Variants in KDM2A observed in about 807,000 individuals in gnomAD.
The protein encoded by KDM2A is lysine-specific demethylase 2A.
In KDM2A, 3 loss-of-function variants were observed where a neutral mutation model predicts 137.3. The observed-to-expected ratio is 0.02, with a 90% CI of 0.01 to 0.06. The LOEUF (loss-of-function observed/expected upper bound fraction) is 0.06, where lower values mean the gene tolerates loss of function less well. Among genes scored for constraint, KDM2A ranks in the 10% least tolerant of loss-of-function variants. The pLI is 1.00. For synonymous variants in KDM2A, 512 were observed against 541.5 expected (o/e 0.95, Z 0.76); for missense variants, 738 against 1,510.6 (o/e 0.49, Z 8.48).
At chr11:67,165,308 G>A (rs1856714940) in intron 2 of KDM2A, among the ~76,000 whole-genome samples, 1 of 151,926 alleles carries the variant, frequency 6.6e-6, no homozygotes, top group South Asian at 2.1e-4. Flanking sequence ...TTTTAGTAGA[G>A]ACGAGGTTTC....
intron 5 of KDM2A, among the ~76,000 whole-genome samples, chr11:67,188,530 C>T (rs1004270851): frequency 6.1e-5 from 9 of 147,904 alleles, no homozygotes; most frequent in Admixed American, 4.7e-4. Context: ...GTGCCTCACA[C>T]GTCTGTAATC....
At chr11:67,132,653 G>C (rs1289638179) in intron 2 of KDM2A, among the ~76,000 whole-genome samples, 1 of 152,204 alleles carries the variant, frequency 6.6e-6, no homozygotes, top group Non-Finnish European at 1.5e-5. Context: ...TCCAGTTTCA[G>C]GTCGGGGTGG....
chr11:67,182,917 T>C (rs1210344183), intron 5 of KDM2A, among the ~76,000 whole-genome samples: 6 of 152,234 alleles, frequency 3.9e-5, no homozygotes, highest in Admixed American at 3.9e-4. Context: ...AGAATTTCTA[T>C]TATCTTTTGT....
rs748703520 is a variant in KDM2A, at chr11:67,250,601, G to T, written c.2571G>T (p.Glu857Asp). The T allele has an allele frequency of 5.5e-5, 88 of 1,612,390 alleles. No individual in the cohort carries two copies. Among genetic ancestry groups the T allele is most frequent in the Non-Finnish European group, 7.5e-5 (88 of 1,178,850 alleles). ...ATGAGGAGGGGCTGGGGGGAGAGGA[G>T]GAGGAAGAGGAGGAGGAGGAGGAGG... ...RGDEEGLGGE[E>D]EEEEEEEEED... The change falls in exon 17 of 21, where the codon GAG (glutamate) becomes GAT (aspartate). Residue 857 changes from glutamate to aspartate, a missense_variant. Glu to Asp is a conservative substitution (Grantham distance 45). Coordinates refer to ENST00000529006, the MANE Select transcript of KDM2A (RefSeq NM_012308.3). The surrounding 1 kb of genome is among the most constrained non-coding windows in gnomAD (Gnocchi z 7.1).
chr11:67,250,607 A>AGAGGAGGAGGAG lies in KDM2A; in HGVS notation c.2586_2597dup (p.Glu863_Glu866dup). ...AGGGGCTGGGGGGAGAGGAGGAGGA[A>AGAGGAGGAGGAG]GAGGAGGAGGAGGAGGAGGAAGATG... On this transcript the variant is annotated inframe_insertion, in exon 17 of 21. Coordinates refer to ENST00000529006, the MANE Select transcript of KDM2A (RefSeq NM_012308.3). The surrounding 1 kb of genome is among the most constrained non-coding windows in gnomAD (Gnocchi z 7.1). 6.2e-7 allele frequency: 1 copy of AGAGGAGGAGGAG among 1,611,242 alleles called. No homozygotes were observed. Among genetic ancestry groups the AGAGGAGGAGGAG allele is most frequent in the East Asian group, 2.2e-5 (1 of 44,840 alleles).
rs191687427 is a variant in KDM2A at position 67,216,346 on chromosome 11, A to G, written c.687+397A>G. Among the ~76,000 whole-genome samples, 319 of 152,284 alleles carry G rather than the reference A, an allele frequency of 2.1e-3. 2 individuals carry two copies. The highest frequency in any genetic ancestry group is 7.3e-3 in the African/African-American group (305 of 41,560). On this transcript the variant is annotated intron_variant, in intron 8 of 20. Transcript: ENST00000529006. ...AATCAGCAAATTAAGATCTAAACCA[A>G]CTTTCCCTCTATGTAGCCATTGGTC...
chr11:67,126,682 T>C (rs1410141219), intron 2 of KDM2A, among the ~76,000 whole-genome samples: 1 of 140,530 alleles, frequency 7.1e-6, no homozygotes, highest in Non-Finnish European at 1.5e-5. Flanking sequence ...CACTCCAGCC[T>C]GGGCGACAGA....
intron 2 of KDM2A, among the ~76,000 whole-genome samples, chr11:67,161,238 C>G (rs546181802): frequency 6.6e-6 from 1 of 152,232 alleles, no homozygotes; most frequent in South Asian, 2.1e-4. Context: ...AAAAGAAAAA[C>G]AAGACTTTAG....
chr11:67,249,140 A>G (rs1466618239), intron 16 of KDM2A, among the ~76,000 whole-genome samples: 1 of 152,184 alleles, frequency 6.6e-6, no homozygotes, highest in Non-Finnish European at 1.5e-5. Context: ...TTTTCAATCT[A>G]TTTGTCTTTG....
chr11:67,252,593 G>C, intron 17 of KDM2A, 101 bp from the exon 18 acceptor site: 1 of 1,279,220 alleles, frequency 7.8e-7, no homozygotes, highest in Non-Finnish European at 1.1e-6. Context: ...AGAAGAACGA[G>C]CCTCCAGGTA....
In KDM2A at chr11:67,172,616, TTGTGTGTG is replaced by T. The variant is rs35333315; in HGVS notation, c.43-7436_43-7429del. On this transcript the variant is annotated intron_variant, in intron 2 of 20. Transcript: ENST00000529006. The stretch of plus-strand genomic sequence containing the variant: ...GAACTGATTTTATTAGCTCTTATAG[TTGTGTGTG>T]TGTGTGTGTGTGTGTGTGTGTGTGT... 2.0e-3 allele frequency among the ~76,000 whole-genome samples: 289 copies of T among 146,494 alleles called. 3 individuals are homozygous for T. The highest frequency in any genetic ancestry group is 0.011 in the East Asian group (56 of 4,994).
At chr11:67,217,240 CAAA>C (rs544615414) in intron 8 of KDM2A, among the ~76,000 whole-genome samples, 4 of 50,522 alleles carry the variant, frequency 7.9e-5, no homozygotes, top group Admixed American at 4.1e-4. Flanking sequence ...GAAACTCTGT[CAAA>C]AAAAAAAAAA....
chr11:67,138,984 C>T (rs566627440), intron 2 of KDM2A, among the ~76,000 whole-genome samples: 1 of 152,284 alleles, frequency 6.6e-6, no homozygotes, highest in South Asian at 2.1e-4. Flanking sequence ...TATTTCCTGC[C>T]AGTTGAATTT....
At chr11:67,152,842 G>T (rs1231600907) in intron 2 of KDM2A, among the ~76,000 whole-genome samples, 1 of 148,416 alleles carries the variant, frequency 6.7e-6, no homozygotes, top group Non-Finnish European at 1.5e-5. Flanking sequence ...TTTTTTTTTT[G>T]CTAGCAAAAC....
intron 2 of KDM2A, among the ~76,000 whole-genome samples, chr11:67,135,344 G>A (rs1239976687): frequency 1.3e-5 from 2 of 152,150 alleles, no homozygotes; most frequent in Non-Finnish European, 2.9e-5. Flanking sequence ...GATTACAAGC[G>A]TGAGCCACCG....
rs755754130 is a variant in KDM2A at position 67,228,005 on chromosome 11, C to T, written c.958-32C>T. On this transcript the variant is annotated intron_variant, in intron 10 of 20. Transcript: ENST00000529006. ...TGTTGTACTCTCTTTCCTTGAAAAT[C>T]GTCATCTTTTCTCTATTTTATTCCT... The T allele has an allele frequency of 1.6e-5, 25 of 1,592,844 alleles. No individual in the cohort carries two copies. In the Admixed American group the frequency reaches 1.8e-4, roughly 12 times the overall value.
In KDM2A at chr11:67,257,363, G is replaced by A. The variant is rs1859646211; in HGVS notation, c.*2308G>A. ...CCTTGCTGGGTTTTCCTTTTCTTTG[G>A]GACTGTGAGGGGAAATGGTTTTTAG... On this transcript the variant is annotated 3_prime_UTR_variant, in exon 21 of 21. Coordinates refer to ENST00000529006, the MANE Select transcript of KDM2A (RefSeq NM_012308.3). The A allele has an allele frequency of 6.6e-6, 1 of 152,576 alleles. No homozygotes were observed. Among genetic ancestry groups the A allele is most frequent in the African/African-American group, 2.4e-5 (1 of 41,406 alleles). The allele number at this position is 152,576 out of a possible 1,614,324, so 9.5% of individuals were successfully genotyped here. A position where few individuals can be genotyped will look rare whatever the true frequency, so the allele number is the denominator to read the frequency against.
chr11:67,204,361 C>T (rs998712340), intron 5 of KDM2A, among the ~76,000 whole-genome samples: 2 of 152,116 alleles, frequency 1.3e-5, no homozygotes, highest in Non-Finnish European at 2.9e-5. Context: ...GTTTTCTCCT[C>T]CACTTAACTC....
chr11:67,208,243 A>T (rs186140302), intron 6 of KDM2A, among the ~76,000 whole-genome samples: 5,512 of 147,702 alleles, frequency 0.037, 114 homozygotes, highest in African/African-American at 0.053. Flanking sequence ...TATTAAAAAA[A>T]TTTTTTTTTT....
Sources: gnomAD v4.1 joint callset for allele counts (sites outside exome capture counted in the v4.1 genomes callset) on GRCh38, gnomAD v4.1.1 for gene constraint, Gnocchi (gnomAD v3.1) non-coding constraint, MANE v1.5 for transcripts, NCBI Gene and HGNC (gene_info 2026-07-23, HGNC 2026-07-21) for gene names.